CDH13: variants seen among roughly 807,000 people sequenced by gnomAD.
CDH13 encodes cadherin 13.
CDH13 carries 24 observed loss-of-function variants against 63.8 expected under a neutral mutation model. That is an observed-to-expected ratio of 0.38 (90% CI 0.27 to 0.53). CDH13 has a LOEUF of 0.53. Among genes scored for constraint, CDH13 ranks in the 20% least tolerant of loss-of-function variants. CDH13 has a pLI of 0.85. For missense variants in CDH13, 1,049 were observed against 903.1 expected (o/e 1.16, Z -2.07); for synonymous variants, 503 against 355.3 (o/e 1.42, Z -4.67).
chr16:82,967,689 C>T (rs961850888), intron 2 of CDH13, among the ~76,000 whole-genome samples: 17 of 152,272 alleles, frequency 1.1e-4, no homozygotes, highest in African/African-American at 2.6e-4. Context: ...CAGTTGGTTC[C>T]GGCAGTTGTT....
intron 3 of CDH13, among the ~76,000 whole-genome samples, chr16:83,036,300 C>T (rs953556305): frequency 6.6e-6 from 1 of 152,010 alleles, no homozygotes; most frequent in Non-Finnish European, 1.5e-5. Flanking sequence ...CAGGCACCCA[C>T]CACCACACCT....
intron 11 of CDH13, among the ~76,000 whole-genome samples, chr16:83,778,687 C>T (rs1331388745): frequency 6.6e-6 from 1 of 152,156 alleles, no homozygotes; most frequent in African/African-American, 2.4e-5. Flanking sequence ...ATGATGATTG[C>T]TTCTATGCCC....
chr16:82,672,714 C>G (rs1046171901), intron 1 of CDH13, among the ~76,000 whole-genome samples: 2 of 151,588 alleles, frequency 1.3e-5, no homozygotes, highest in Non-Finnish European at 2.9e-5. Flanking sequence ...TTCCTTGTGA[C>G]TTTCTTGGAG....
At chr16:83,300,848 T>G (rs1170166747) in intron 5 of CDH13, among the ~76,000 whole-genome samples, 1 of 152,138 alleles carries the variant, frequency 6.6e-6, no homozygotes, top group Non-Finnish European at 1.5e-5. Context: ...TTTTAGAACA[T>G]CCTGGGAAGG....
At chr16:83,264,762 G>C (rs1418163301) in intron 5 of CDH13, among the ~76,000 whole-genome samples, 2 of 149,136 alleles carry the variant, frequency 1.3e-5, no homozygotes, top group Non-Finnish European at 3.0e-5. Flanking sequence ...TTTTTTTTCT[G>C]GCATTTGTGT....
At chr16:82,670,686 G>C (rs150344872) in intron 1 of CDH13, among the ~76,000 whole-genome samples, 23 of 152,342 alleles carry the variant, frequency 1.5e-4, no homozygotes, top group African/African-American at 4.8e-4. Context: ...ATTTGGGGTA[G>C]TCGGGTATGA....
chr16:83,551,630 C>T (rs1224814352), intron 7 of CDH13, among the ~76,000 whole-genome samples: 8 of 152,116 alleles, frequency 5.3e-5, no homozygotes, highest in Non-Finnish European at 5.9e-5. Flanking sequence ...CCAAGCTTCT[C>T]TTTTTTTTCC....
At position 82,913,226 on chromosome 16, in the gene CDH13, A is replaced by G. The variant is rs141206271; in HGVS notation, c.157+54753A>G. Among the ~76,000 whole-genome samples, 4 of 152,180 alleles carry G rather than the reference A, an allele frequency of 2.6e-5. No homozygotes were observed. In the East Asian group the frequency reaches 5.8e-4, roughly 22 times the overall value. Reference sequence around the variant, plus strand: ...GTACAAAATGAATTGGAGTTTACCTATTTTTTCCAAAGGGCAGGTAGCAGG... The same window carrying G: ...GTACAAAATGAATTGGAGTTTACCTGTTTTTTCCAAAGGGCAGGTAGCAGG... On this transcript the variant is annotated intron_variant, in intron 2 of 13. Transcript: ENST00000567109.
chr16:83,311,769 A>C (rs982679369), intron 5 of CDH13, among the ~76,000 whole-genome samples: 1 of 152,194 alleles, frequency 6.6e-6, no homozygotes, highest in Non-Finnish European at 1.5e-5. Flanking sequence ...AATTCTACGC[A>C]TCTTCCTAAT....
chr16:83,528,045 T>G (rs546157661), intron 7 of CDH13, among the ~76,000 whole-genome samples: 2 of 152,148 alleles, frequency 1.3e-5, no homozygotes, highest in Non-Finnish European at 2.9e-5. Flanking sequence ...CCCACAGAGC[T>G]GATAATGAGC....
At chr16:83,312,841 T>C (rs1567583979) in intron 5 of CDH13, among the ~76,000 whole-genome samples, 3 of 152,118 alleles carry the variant, frequency 2.0e-5, no homozygotes, top group African/African-American at 7.2e-5. Context: ...AGCTTGTGAG[T>C]GTGGGGAAGG....
Position 83,022,997 on chromosome 16 carries a change from C to T in CDH13, c.158-9013C>T, listed in dbSNP as rs1403313666. The T allele has an allele frequency of 2.6e-5, 4 of 152,162 alleles. No homozygotes were observed. In the East Asian group the frequency reaches 7.7e-4, roughly 29 times the overall value. 9.4% of individuals were successfully genotyped at this position (152,162 alleles called of 1,614,324 possible). A position where few individuals can be genotyped will look rare whatever the true frequency, so the allele number is the denominator to read the frequency against. ...GATCATAACAGAGCTTAATTTTCTC[C>T]CTTATCCATTTTTAGATGGTAGGAA... On this transcript the variant is annotated intron_variant, in intron 2 of 13. Coordinates refer to ENST00000567109, the MANE Select transcript of CDH13 (RefSeq NM_001257.5).
intron 10 of CDH13, among the ~76,000 whole-genome samples, chr16:83,745,564 C>T (rs1225888237): frequency 2.0e-5 from 3 of 152,140 alleles, no homozygotes; most frequent in African/African-American, 7.2e-5. Context: ...TCCTGGGTCG[C>T]CATGAGGCTT....
At chr16:82,803,653 G>T (rs922901042) in intron 1 of CDH13, among the ~76,000 whole-genome samples, 2 of 152,154 alleles carry the variant, frequency 1.3e-5, no homozygotes, top group Non-Finnish European at 2.9e-5. Context: ...TACAAAAGAA[G>T]AAAGTCCTAC....
At chr16:83,318,755 C>T (rs939357198) in intron 5 of CDH13, among the ~76,000 whole-genome samples, 1 of 152,048 alleles carries the variant, frequency 6.6e-6, no homozygotes, top group Non-Finnish European at 1.5e-5. Context: ...GAACAAATGG[C>T]GAGGCACTGG....
chr16:83,508,055 A>G (rs1008205961), intron 7 of CDH13, among the ~76,000 whole-genome samples: 15 of 58,234 alleles, frequency 2.6e-4, no homozygotes, highest in African/African-American at 8.7e-4. Context: ...GAGAAAGAGA[A>G]GAAGGAAGGA....
At chr16:83,180,851 T>C in intron 4 of CDH13, 1 of 1,475,480 alleles carries the variant, frequency 6.8e-7, no homozygotes, top group Non-Finnish European at 9.1e-7. Flanking sequence ...CAACAAAATG[T>C]GTTTTTTTTT....
At chr16:82,936,669 C>G (rs146949522) in intron 2 of CDH13, among the ~76,000 whole-genome samples, 34 of 152,246 alleles carry the variant, frequency 2.2e-4, no homozygotes, top group Non-Finnish European at 4.3e-4. Context: ...TACTTTAGAT[C>G]GTAACGTTCA....
chr16:83,426,202 C>G (rs1365175645), intron 6 of CDH13, among the ~76,000 whole-genome samples: 1 of 152,146 alleles, frequency 6.6e-6, no homozygotes, highest in Non-Finnish European at 1.5e-5. Flanking sequence ...TCCTCCCAGC[C>G]TCTGGGTTTC....
Sources: allele counts gnomAD v4.1 joint callset (sites outside exome capture counted in the v4.1 genomes callset), GRCh38; gene constraint gnomAD v4.1.1; transcripts MANE v1.5; gene names NCBI Gene and HGNC (gene_info 2026-07-23, HGNC 2026-07-21).